The following CDK8 variants were observed in gnomAD, a reference collection of about 807,000 sequenced individuals.
CDK8 encodes the protein cyclin dependent kinase 8.
In CDK8, 29 loss-of-function variants were observed where a neutral mutation model predicts 71.5. That is an observed-to-expected ratio of 0.41 (90% CI 0.30 to 0.55). The LOEUF (loss-of-function observed/expected upper bound fraction) is 0.55. Among genes scored for constraint, CDK8 ranks in the 20% least tolerant of loss-of-function variants. The pLI is 0.37. For synonymous variants in CDK8, 161 were observed against 192.1 expected (o/e 0.84, Z 1.34); for missense variants, 288 against 572.6 (o/e 0.50, Z 5.07).
At chr13:26,313,863 C>T (rs939984637) in intron 1 of CDK8, among the ~76,000 whole-genome samples, 1 of 151,962 alleles carries the variant, frequency 6.6e-6, no homozygotes, top group African/African-American at 2.4e-5. Flanking sequence ...GGTCGGAGAA[C>T]AGGGATTTGA....
chr13:26,319,857 G>A (rs1296461522), intron 1 of CDK8, among the ~76,000 whole-genome samples: 1 of 152,060 alleles, frequency 6.6e-6, no homozygotes, highest in African/African-American at 2.4e-5. Flanking sequence ...ATACGGTACT[G>A]GCATAAAGTC....
At chr13:26,341,995 A>T (rs1873262216) in intron 2 of CDK8, among the ~76,000 whole-genome samples, 1 of 152,152 alleles carries the variant, frequency 6.6e-6, no homozygotes, top group African/African-American at 2.4e-5. Flanking sequence ...ATCTCGGCTC[A>T]CTGCAACCTC....
chr13:26,300,337 G>C (rs1451544383), intron 1 of CDK8, among the ~76,000 whole-genome samples: 1 of 152,080 alleles, frequency 6.6e-6, no homozygotes, highest in Non-Finnish European at 1.5e-5. Flanking sequence ...AGCGTGGGTG[G>C]GCTGGACGAA....
chr13:26,335,926 C>T lies in CDK8; in HGVS notation c.129-1641C>T, dbSNP rs966818809. ...TAATTGATATTCTCTTGCTTAACAA[C>T]AACAACAACAACAACAACAACAACA... On this transcript the variant is annotated intron_variant, in intron 1 of 12. Transcript: ENST00000381527. Among the ~76,000 whole-genome samples the T allele has an allele frequency of 2.3e-3, 136 of 59,990 alleles. 1 individual carries two copies. Among genetic ancestry groups the T allele is most frequent in the African/African-American group, 7.4e-3 (132 of 17,728 alleles). 39.4% of individuals were successfully genotyped at this position (59,990 alleles called of 152,430 possible).
chr13:26,317,481 A>G (rs1439639190), intron 1 of CDK8, among the ~76,000 whole-genome samples: 2 of 152,232 alleles, frequency 1.3e-5, no homozygotes, highest in Non-Finnish European at 2.9e-5. Context: ...ACCCAACAAA[A>G]GTGTACACAT....
chr13:26,372,682 A>C (rs1393106259), intron 4 of CDK8, among the ~76,000 whole-genome samples: 8 of 152,174 alleles, frequency 5.3e-5, no homozygotes, highest in African/African-American at 1.9e-4. Flanking sequence ...CCTGTATTTG[A>C]ACCCCAGCTC....
chr13:26,400,668 A>G, intron 10 of CDK8, 118 bp downstream of exon 10: 1 of 693,046 alleles, frequency 1.4e-6, no homozygotes, highest in Admixed American at 2.4e-5. Flanking sequence ...GAAATCCTTT[A>G]TGACAAGCAA....
rs1593263658 is a variant in CDK8, at chr13:26,323,368, AG to A, written c.129-14196del. On this transcript the variant is annotated intron_variant, in intron 1 of 12. Transcript: ENST00000381527. ...GAGGGAGAGGGAGAGGGAGAGGGAG[AG>A]GGAGAGGGAACAAGCAAGCGCTCTG... is the stretch of plus-strand genomic sequence containing the variant. 2.7e-5 allele frequency among the ~76,000 whole-genome samples: 4 copies of A among 149,616 alleles called. No homozygotes were observed. In the East Asian group the frequency reaches 7.9e-4, roughly 30 times the overall value.
intron 4 of CDK8, among the ~76,000 whole-genome samples, chr13:26,378,848 A>G (rs1350523528): frequency 6.6e-6 from 1 of 152,226 alleles, no homozygotes; most frequent in African/African-American, 2.4e-5. Context: ...CGAGGAAGAA[A>G]AGGAAAGAAG....
chr13:26,282,612 T>C (rs567448014), intron 1 of CDK8, among the ~76,000 whole-genome samples: 1 of 152,104 alleles, frequency 6.6e-6, no homozygotes, highest in East Asian at 1.9e-4. Context: ...AATAGAACCT[T>C]CTCAAAGCGT....
At chr13:26,380,360 T>C (rs567543427) in intron 4 of CDK8, among the ~76,000 whole-genome samples, 95 of 152,230 alleles carry the variant, frequency 6.2e-4, no homozygotes, top group Non-Finnish European at 1.1e-3. Flanking sequence ...TTGTATTTTT[T>C]AGTAGAGATA....
chr13:26,313,418 C>T (rs77184232), intron 1 of CDK8, among the ~76,000 whole-genome samples: 179 of 152,240 alleles, frequency 1.2e-3, no homozygotes, highest in African/African-American at 4.0e-3. Context: ...ACTTTCATGT[C>T]GAGTTGAATG....
chr13:26,323,897 G>A (rs1197988198), intron 1 of CDK8, among the ~76,000 whole-genome samples: 5 of 152,036 alleles, frequency 3.3e-5, no homozygotes, highest in African/African-American at 1.2e-4. Flanking sequence ...CCTTTCCTGT[G>A]GTGTATAATC....
intron 4 of CDK8, among the ~76,000 whole-genome samples, chr13:26,356,326 C>T (rs181441019): frequency 4.6e-5 from 7 of 152,276 alleles, no homozygotes; most frequent in Admixed American, 1.3e-4. Flanking sequence ...TCCTCCATCC[C>T]TCTTGCCATT....
At chr13:26,360,522 T>C (rs1213111345) in intron 4 of CDK8, among the ~76,000 whole-genome samples, 1 of 152,178 alleles carries the variant, frequency 6.6e-6, no homozygotes, top group Non-Finnish European at 1.5e-5. Flanking sequence ...AGAATGTTTA[T>C]ATCTAAAATC....
intron 4 of CDK8, among the ~76,000 whole-genome samples, chr13:26,370,351 C>A (rs1874606680): frequency 6.6e-6 from 1 of 152,086 alleles, no homozygotes; most frequent in African/African-American, 2.4e-5. Flanking sequence ...TATTTGGAAA[C>A]CTCTTAACAA....
chr13:26,288,723 C>G (rs943244060), intron 1 of CDK8, among the ~76,000 whole-genome samples: 1 of 151,982 alleles, frequency 6.6e-6, no homozygotes, highest in African/African-American at 2.4e-5. Context: ...GTATAACCCC[C>G]ATTTATTTAG....
At chr13:26,321,284 A>G (rs961256387) in intron 1 of CDK8, among the ~76,000 whole-genome samples, 2 of 152,202 alleles carry the variant, frequency 1.3e-5, no homozygotes, top group African/African-American at 4.8e-5. Flanking sequence ...AGCCAGTCAC[A>G]AAAAGAAAAA....
At chr13:26,290,802 AAAACAAAC>A (rs140228827) in intron 1 of CDK8, among the ~76,000 whole-genome samples, 3 of 152,038 alleles carry the variant, frequency 2.0e-5, no homozygotes, top group African/African-American at 4.8e-5. Context: ...TGGTTTGCAA[AAAACAAAC>A]AAACAAACAA....
Sources: allele counts gnomAD v4.1 joint callset (sites outside exome capture counted in the v4.1 genomes callset), GRCh38; gene constraint gnomAD v4.1.1; transcripts MANE v1.5; gene names NCBI Gene and HGNC (gene_info 2026-07-23, HGNC 2026-07-21).